The following USP15 variants were observed in gnomAD, a reference collection of about 807,000 sequenced individuals.
The protein encoded by USP15 is ubiquitin carboxyl-terminal hydrolase 15.
A neutral mutation model predicts 127.1 loss-of-function variants in USP15; 18 were observed. The ratio of observed to expected loss-of-function variants is 0.14; its 90% CI spans 0.10 to 0.21. The LOEUF (loss-of-function observed/expected upper bound fraction) is 0.21. Ranked by LOEUF, USP15 falls within the 10% of genes least tolerant of loss-of-function variation. USP15 has a pLI of 1.00. For synonymous variants in USP15, 364 were observed against 393.7 expected (o/e 0.92, Z 0.89); for missense variants, 805 against 1,159.9 (o/e 0.69, Z 4.44).
Position 62,391,157 on chromosome 12 carries a change from G to A in USP15, c.1961G>A (p.Ser654Asn). Residue 654 changes from serine to asparagine, a missense_variant and splice_region_variant, in exon 16 of 22, where the codon AGT (serine) becomes AAT (asparagine). By Grantham distance (46) the Ser-to-Asn change is conservative. This residue lies in a region of USP15 where 225 missense variants were observed against 239.5 expected (regional missense o/e 0.94). Coordinates refer to ENST00000280377, the MANE Select transcript of USP15 (RefSeq NM_001252078.2). ...PNGIHEEGSPSEMETDEPDDE... is the reference protein window; with the variant it reads ...PNGIHEEGSPNEMETDEPDDE... ...AAAGCTCTCTAATATCTAAAATTAG[G>A]TGAAATGGAAACAGATGAGCCAGAT... The A allele has an allele frequency of 1.2e-6, 2 of 1,605,948 alleles. No individual in the cohort carries two copies. Among genetic ancestry groups the A allele is most frequent in the Non-Finnish European group, 1.7e-6 (2 of 1,178,130 alleles).
intron 3 of USP15, 42 bp downstream of exon 3, chr12:62,302,962 GATTAGTTCAC>G (rs1475074310): frequency 1.3e-6 from 2 of 1,571,770 alleles, no homozygotes; most frequent in South Asian, 2.3e-5. Flanking sequence ...TATTTTTCTT[GATTAGTTCAC>G]ATTTTATTAT....
chr12:62,361,468 T>C (rs2066312922), intron 8 of USP15, among the ~76,000 whole-genome samples: 1 of 152,002 alleles, frequency 6.6e-6, no homozygotes, highest in Admixed American at 6.6e-5. Flanking sequence ...TACATCTAAT[T>C]CTAAAATACA....
At chr12:62,381,016 GGTTTA>G (rs2066976723) in intron 8 of USP15, among the ~76,000 whole-genome samples, 1 of 151,984 alleles carries the variant, frequency 6.6e-6, no homozygotes. Context: ...CCATATGGAA[GGTTTA>G]AAGGCTGCTC....
In USP15 at chr12:62,406,934, C is replaced by T. The variant is rs1488519260; in HGVS notation, c.*2559C>T. The T allele has an allele frequency of 6.6e-6, 1 of 151,442 alleles. No individual in the cohort carries two copies. Among genetic ancestry groups the T allele is most frequent in the African/African-American group, 2.4e-5 (1 of 41,132 alleles). 9.4% of individuals were successfully genotyped at this position (151,442 alleles called of 1,614,324 possible). A position where few individuals can be genotyped will look rare whatever the true frequency, so the allele number is the denominator to read the frequency against. The stretch of plus-strand genomic sequence containing the variant: ...TAGCCGAAATCACACCCCTGCACTC[C>T]AGCCTGTGCAACATAGCAAGACTCT... On this transcript the variant is annotated 3_prime_UTR_variant, in exon 22 of 22. Transcript: ENST00000280377.
chr12:62,308,544 T>A (rs2064557280), intron 3 of USP15, among the ~76,000 whole-genome samples: 1 of 152,030 alleles, frequency 6.6e-6, no homozygotes, highest in African/African-American at 2.4e-5. Context: ...AGCCATAACT[T>A]TGCCCTTAAC....
intron 16 of USP15, among the ~76,000 whole-genome samples, 175 bp from the exon 17 acceptor site, chr12:62,391,641 C>CT (rs549278029): frequency 3.6e-4 from 54 of 152,050 alleles, no homozygotes; most frequent in African/African-American, 1.3e-3. Flanking sequence ...AGTTTTCTAT[C>CT]TTTTTTTAAA....
intron 1 of USP15, among the ~76,000 whole-genome samples, chr12:62,290,062 A>T (rs1475830162): frequency 6.6e-6 from 1 of 152,144 alleles, no homozygotes; most frequent in Non-Finnish European, 1.5e-5. Flanking sequence ...TGTTTCATGC[A>T]TGATGAAAAA....
chr12:62,306,271 A>G lies in USP15; in HGVS notation c.348+3351A>G, dbSNP rs144383847. 8.5e-3 allele frequency among the ~76,000 whole-genome samples: 1,292 copies of G among 152,288 alleles called. 7 individuals are homozygous for G. Among genetic ancestry groups the G allele is most frequent in the Middle Eastern group, 0.024 (7 of 294 alleles). Reference sequence around the variant, plus strand: ...GGGGTAATTTATTATGCAGCAATAGATAACTAATACTAATCATGGTACCTG... The same window carrying G: ...GGGGTAATTTATTATGCAGCAATAGGTAACTAATACTAATCATGGTACCTG... On this transcript the variant is annotated intron_variant, in intron 3 of 21. Transcript: ENST00000280377.
rs138467899 is a variant in USP15, at chr12:62,413,914, T to TGAGA, written c.*9552_*9555dup. On this transcript the variant is annotated 3_prime_UTR_variant, in exon 22 of 22. Transcript: ENST00000280377. ...GCTCCAATCATTTATAGCATTTGAT[T>TGAGA]GAGAGAGAGAGAGAGATGTACAGCT... 1.3e-5 allele frequency: 2 copies of TGAGA among 151,264 alleles called. No homozygotes were observed. The highest frequency in any genetic ancestry group is 2.4e-5 in the African/African-American group (1 of 41,156). The allele number at this position is 151,264 out of a possible 1,614,324, so 9.4% of individuals were successfully genotyped here. A position where few individuals can be genotyped will look rare whatever the true frequency, so the allele number is the denominator to read the frequency against.
At chr12:62,285,512 CTT>C (rs2063762157) in intron 1 of USP15, among the ~76,000 whole-genome samples, 1 of 151,590 alleles carries the variant, frequency 6.6e-6, no homozygotes, top group African/African-American at 2.4e-5. Context: ...GCCACATTGT[CTT>C]TATCCAGTCA....
rs1023490370 is a variant in USP15 at position 62,407,940 on chromosome 12, T to C, written c.*3565T>C. On this transcript the variant is annotated 3_prime_UTR_variant, in exon 22 of 22. Transcript: ENST00000280377. ...ATTTAAATATCTTGCTTTCTCATAA[T>C]CTGTGTTATTTTAGTAGTCCTGTAT... 1 of 152,206 alleles carries C rather than the reference T, an allele frequency of 6.6e-6. No individual in the cohort carries two copies. Among genetic ancestry groups the C allele is most frequent in the Non-Finnish European group, 1.5e-5 (1 of 68,044 alleles). The allele number at this position is 152,206 out of a possible 1,614,324, so 9.4% of individuals were successfully genotyped here.
chr12:62,409,556 G>A lies in USP15; in HGVS notation c.*5181G>A, dbSNP rs1417600976. 4.6e-5 allele frequency: 7 copies of A among 152,112 alleles called. No homozygotes were observed. The East Asian group carries it at 9.6e-4, about 21-fold the overall frequency. The allele number at this position is 152,112 out of a possible 1,614,324, so 9.4% of individuals were successfully genotyped here. On this transcript the variant is annotated 3_prime_UTR_variant, in exon 22 of 22. Coordinates refer to ENST00000280377, the MANE Select transcript of USP15 (RefSeq NM_001252078.2). Reference sequence around the variant, plus strand: ...AAAATCATAATTAAAGTTGGTGCTCGTGTTGCTAAAGTTTTTTTTCTCATG... The same window carrying A: ...AAAATCATAATTAAAGTTGGTGCTCATGTTGCTAAAGTTTTTTTTCTCATG...
chr12:62,294,580 CATT>C (rs1219395681), intron 2 of USP15: 7 of 217,680 alleles, frequency 3.2e-5, no homozygotes, highest in African/African-American at 1.2e-4. Flanking sequence ...TTAAAGATTT[CATT>C]ATTAAGTAAT....
At chr12:62,288,519 T>C (rs137963131) in intron 1 of USP15, among the ~76,000 whole-genome samples, 12 of 152,244 alleles carry the variant, frequency 7.9e-5, no homozygotes, top group Admixed American at 7.9e-4. Context: ...TTTAGAGTTA[T>C]CTAGGTATAA....
At chr12:62,301,096 T>G (rs1414506989) in intron 2 of USP15, among the ~76,000 whole-genome samples, 2 of 152,086 alleles carry the variant, frequency 1.3e-5, no homozygotes, top group African/African-American at 4.8e-5. Context: ...AAAGAAGATA[T>G]AGGTTTCAAA....
intron 6 of USP15, among the ~76,000 whole-genome samples, chr12:62,340,885 G>A (rs73136834): frequency 0.08 from 12,209 of 152,200 alleles, 597 homozygotes; most frequent in Middle Eastern, 0.16. Flanking sequence ...AGATGTCTGT[G>A]AGGTCCACTT....
At chr12:62,269,071 C>T (rs1263576912) in intron 1 of USP15, among the ~76,000 whole-genome samples, 2 of 152,086 alleles carry the variant, frequency 1.3e-5, no homozygotes, top group Admixed American at 1.3e-4. Flanking sequence ...CATGTTATAG[C>T]ATATATCAAT....
intron 1 of USP15, among the ~76,000 whole-genome samples, chr12:62,280,685 C>T (rs536975123): frequency 2.6e-5 from 4 of 152,124 alleles, no homozygotes; most frequent in East Asian, 1.9e-4. Context: ...AGGAGACACA[C>T]GCATTCAGAC....
At chr12:62,395,472 C>T (rs1474225155) in intron 19 of USP15, among the ~76,000 whole-genome samples, 1 of 151,962 alleles carries the variant, frequency 6.6e-6, no homozygotes, top group Non-Finnish European at 1.5e-5. Context: ...GGTATCCATC[C>T]TCTCAAGCGT....
Sources: gnomAD v4.1 joint callset for allele counts (sites outside exome capture counted in the v4.1 genomes callset) on GRCh38, gnomAD v4.1.1 for gene constraint, gnomAD v4.1.1 regional missense constraint, MANE v1.5 for transcripts, NCBI Gene and HGNC (gene_info 2026-07-23, HGNC 2026-07-21) for gene names.